The following SGTA variants were observed in gnomAD, a reference collection of about 807,000 sequenced individuals.
The protein encoded by SGTA is small glutamine-rich tetratricopeptide repeat-containing protein alpha.
Under a neutral mutation model 44.3 loss-of-function variants are expected in SGTA, and 22 were observed. The ratio of observed to expected loss-of-function variants is 0.50; its 90% CI spans 0.36 to 0.71. The LOEUF (loss-of-function observed/expected upper bound fraction) is 0.71. Among genes scored for constraint, SGTA ranks in the 30% least tolerant of loss-of-function variants. The pLI is 0.00. For missense variants in SGTA, 341 were observed against 435.9 expected (o/e 0.78, Z 1.94); for synonymous variants, 174 against 177.6 (o/e 0.98, Z 0.16).
At position 2,756,637 on chromosome 19, in the gene SGTA, C is replaced by T. The variant is rs577666798; in HGVS notation, c.*6+700G>A. 9.4e-4 allele frequency among the ~76,000 whole-genome samples: 143 copies of T among 152,146 alleles called. 1 individual carries two copies. Among genetic ancestry groups the T allele is most frequent in the African/African-American group, 3.2e-3 (133 of 41,494 alleles). On this transcript the variant is annotated intron_variant, in intron 11 of 11. Coordinates refer to ENST00000221566, the MANE Select transcript of SGTA (RefSeq NM_003021.4). ...ACCTCTGGGGAGGCCCGGAGCCTCC[C>T]GCCCCCAGGGAGCCGGCGTCTGCTG...
intron 11 of SGTA, among the ~76,000 whole-genome samples, chr19:2,757,120 GCC>G (rs1914840592): frequency 1.3e-5 from 2 of 152,180 alleles, no homozygotes; most frequent in Admixed American, 6.5e-5. Context: ...GGACTTGGTG[GCC>G]ACCTGGAAAG....
chr19:2,771,577 G>A (rs896488609), intron 1 of SGTA, among the ~76,000 whole-genome samples: 4 of 85,122 alleles, frequency 4.7e-5, no homozygotes, highest in East Asian at 1.5e-3. Flanking sequence ...CTCCCCATCG[G>A]GGGGGGGGGG....
intron 1 of SGTA, among the ~76,000 whole-genome samples, chr19:2,771,702 C>A (rs1274570666): frequency 6.6e-6 from 1 of 152,204 alleles, no homozygotes; most frequent in African/African-American, 2.4e-5. Context: ...GAGGCTATTC[C>A]AGAAACGCTG....
In SGTA at chr19:2,761,513, C is replaced by G; in HGVS notation, c.646G>C (p.Val216Leu). 2 of 1,551,450 alleles carry G rather than the reference C, an allele frequency of 1.3e-6. No individual in the cohort carries two copies. Among genetic ancestry groups the G allele is most frequent in the Non-Finnish European group, 8.7e-7 (1 of 1,146,856 alleles). The change falls in exon 8 of 12, where the codon GTG (valine) becomes CTG (leucine). Residue 216 changes from valine (V) to leucine (L), a missense_variant. Coordinates refer to ENST00000221566, the MANE Select transcript of SGTA (RefSeq NM_003021.4). The surrounding 1 kb of genome is among the most constrained non-coding windows in gnomAD (Gnocchi z 5.7). Reference sequence around the variant, plus strand: ...AGGCCGGCGATGTCGAAGCTGCCCACGCCTCCCGTCTGAGGATGAGAACAG... The same window carrying G: ...AGGCCGGCGATGTCGAAGCTGCCCAGGCCTCCCGTCTGAGGATGAGAACAG... The part of the protein sequence containing the change: ...LREAPSPTGG[V>L]GSFDIAGLLN...
At chr19:2,782,152 G>A (rs562311867) in intron 1 of SGTA, among the ~76,000 whole-genome samples, 2 of 152,252 alleles carry the variant, frequency 1.3e-5, no homozygotes, top group South Asian at 2.1e-4. Flanking sequence ...GGGTGAGGCC[G>A]TCCTGGGTAC....
chr19:2,776,408 C>A (rs1363065614), intron 1 of SGTA, among the ~76,000 whole-genome samples: 1 of 152,224 alleles, frequency 6.6e-6, no homozygotes, highest in East Asian at 1.9e-4. Context: ...CATGGGCGGA[C>A]CTTGAGGACG....
At chr19:2,774,778 G>A (rs907299057) in intron 1 of SGTA, among the ~76,000 whole-genome samples, 9 of 152,100 alleles carry the variant, frequency 5.9e-5, no homozygotes, top group Admixed American at 6.5e-5. Flanking sequence ...CACCATACCC[G>A]GCCTCCTCCA....
At position 2,759,310 on chromosome 19, in the gene SGTA, A is replaced by G. The variant is rs780991046; in HGVS notation, c.700-16T>C. ...GGTTCGAAGCCTGAAGAACAGAACA[A>G]ATTTGTCAGGAAGACAAAGCTCCCA... On this transcript the variant is annotated splice_polypyrimidine_tract_variant and intron_variant, in intron 8 of 11. Coordinates refer to ENST00000221566, the MANE Select transcript of SGTA (RefSeq NM_003021.4). 46 of 1,612,972 alleles carry G rather than the reference A, an allele frequency of 2.9e-5. No homozygotes were observed. The East Asian group carries it at 8.9e-4, about 31-fold the overall frequency.
At chr19:2,779,838 C>T (rs1018154959) in intron 1 of SGTA, among the ~76,000 whole-genome samples, 20 of 152,128 alleles carry the variant, frequency 1.3e-4, no homozygotes, top group Non-Finnish European at 2.4e-4. Context: ...TTTGGGAGGC[C>T]GAGGTGGGAG....
intron 4 of SGTA, among the ~76,000 whole-genome samples, chr19:2,766,309 C>A (rs1361419774): frequency 1.3e-5 from 2 of 152,218 alleles, no homozygotes; most frequent in African/African-American, 4.8e-5. Flanking sequence ...TGCATCTGCG[C>A]TGGGGCCTGG....
intron 1 of SGTA, among the ~76,000 whole-genome samples, chr19:2,781,967 G>C (rs2144746480): frequency 6.6e-6 from 1 of 151,858 alleles, no homozygotes; most frequent in African/African-American, 2.4e-5. Flanking sequence ...TCAGCCTCCT[G>C]AGTAGCTGGG....
Position 2,755,639 on chromosome 19 carries a change from C to T in SGTA, c.*301G>A, listed in dbSNP as rs1322061435. The T allele has an allele frequency of 2.0e-6, 2 of 985,300 alleles. No homozygotes were observed. The highest frequency in any genetic ancestry group is 3.5e-5 in the African/African-American group (2 of 57,214). 61.0% of individuals were successfully genotyped at this position (985,300 alleles called of 1,614,324 possible). A position where few individuals can be genotyped will look rare whatever the true frequency, so the allele number is the denominator to read the frequency against. On this transcript the variant is annotated 3_prime_UTR_variant, in exon 12 of 12. Transcript: ENST00000221566. This position sits in a 1 kb window ranked among gnomAD's most constrained non-coding sequence, Gnocchi z 5.2. Reference sequence around the variant, plus strand: ...TTCTCTGAGAGCGGCCCGGGAGCACCCCAGGATTCTAGAAAACACTCAAGT... The same window carrying T: ...TTCTCTGAGAGCGGCCCGGGAGCACTCCAGGATTCTAGAAAACACTCAAGT...
chr19:2,769,139 T>C, intron 1 of SGTA, 48 bp from the exon 2 acceptor site: 1 of 1,192,294 alleles, frequency 8.4e-7, no homozygotes, highest in South Asian at 1.2e-5. Flanking sequence ...CACTCCCCAC[T>C]CCAGGCACCC....
rs578188524 is a variant in SGTA at position 2,761,877 on chromosome 19, G to A, written c.637-355C>T. Among the ~76,000 whole-genome samples the A allele has an allele frequency of 2.2e-3, 328 of 149,414 alleles. 1 individual carries two copies. Among genetic ancestry groups the A allele is most frequent in the Non-Finnish European group, 1.5e-3 (102 of 67,806 alleles). On this transcript the variant is annotated intron_variant, in intron 7 of 11. Transcript: ENST00000221566. The surrounding 1 kb of genome is among the most constrained non-coding windows in gnomAD (Gnocchi z 5.7). ...GGGACGGCACAGTCTATCATCCCGT[G>A]TTTATTCCCCGTACAGCGCGACCGC...
intron 1 of SGTA, among the ~76,000 whole-genome samples, chr19:2,774,116 G>A (rs1237106140): frequency 6.6e-6 from 1 of 152,238 alleles, no homozygotes; most frequent in Admixed American, 6.5e-5. Flanking sequence ...GATGAACTCT[G>A]TTTCAGCTGC....
Position 2,755,877 on chromosome 19 carries a change from C to A in SGTA, c.*63G>T. The A allele has an allele frequency of 1.0e-6, 1 of 985,654 alleles. No homozygotes were observed. The highest frequency in any genetic ancestry group is 1.2e-6 in the Non-Finnish European group (1 of 830,076). The allele number at this position is 985,654 out of a possible 1,614,324, so 61.1% of individuals were successfully genotyped here. ...CAGTCCAACAGGAGGAAGTGGCAGA[C>A]AACCAGAAGGCTTCCTTCGGGTCGG... On this transcript the variant is annotated 3_prime_UTR_variant, in exon 12 of 12. Coordinates refer to ENST00000221566, the MANE Select transcript of SGTA (RefSeq NM_003021.4). This position sits in a 1 kb window ranked among gnomAD's most constrained non-coding sequence, Gnocchi z 5.2.
At position 2,761,622 on chromosome 19, in the gene SGTA, C is replaced by A. The variant is rs1284148666; in HGVS notation, c.637-100G>T. ...ACAACGGCCCCCCACGGGGCTCAGACATTCTATCAACCCTGCGGCCAGAGG... is the reference window on the plus strand; with the variant it reads ...ACAACGGCCCCCCACGGGGCTCAGAAATTCTATCAACCCTGCGGCCAGAGG... On this transcript the variant is annotated intron_variant, in intron 7 of 11. Coordinates refer to ENST00000221566, the MANE Select transcript of SGTA (RefSeq NM_003021.4). The surrounding 1 kb of genome is among the most constrained non-coding windows in gnomAD (Gnocchi z 5.7). 8 of 992,516 alleles carry A rather than the reference C, an allele frequency of 8.1e-6. No homozygotes were observed. The African/African-American group carries it at 9.6e-5, about 12-fold the overall frequency. 61.5% of individuals were successfully genotyped at this position (992,516 alleles called of 1,614,324 possible).
Position 2,765,816 on chromosome 19 carries a change from C to T in SGTA, c.293-531G>A, listed in dbSNP as rs899231135. Among the ~76,000 whole-genome samples the T allele has an allele frequency of 3.9e-5, 6 of 152,168 alleles. No individual in the cohort carries two copies. The highest frequency in any genetic ancestry group is 3.9e-4 in the East Asian group (2 of 5,172). ...AGCCCTGAAGACAGAAACCCACTCC[C>T]GCCCCCGAGATCCCAATTCAGGAGG... is the stretch of plus-strand genomic sequence containing the variant. On this transcript the variant is annotated intron_variant, in intron 4 of 11. Transcript: ENST00000221566. This position sits in a 1 kb window ranked among gnomAD's most constrained non-coding sequence, Gnocchi z 5.5.
intron 1 of SGTA, chr19:2,782,723 C>CG (rs1915599987): frequency 6.6e-6 from 1 of 152,198 alleles, no homozygotes; most frequent in South Asian, 2.1e-4. Context: ...CTGGACCCTG[C>CG]GGCTCTCCTT....
Sources: allele counts gnomAD v4.1 joint callset (sites outside exome capture counted in the v4.1 genomes callset), GRCh38; gene constraint gnomAD v4.1.1; non-coding constraint Gnocchi (gnomAD v3.1); transcripts MANE v1.5; gene names NCBI Gene and HGNC (gene_info 2026-07-23, HGNC 2026-07-21).